The following AK9 variants were observed in gnomAD, a reference collection of about 807,000 sequenced individuals.
The protein encoded by AK9 is adenylate kinase 9.
AK9 carries 191 observed loss-of-function variants against 239.6 expected under a neutral mutation model. That is an observed-to-expected ratio of 0.80 (90% CI 0.71 to 0.90). The LOEUF is 0.90. AK9 is among the 40% of genes least tolerant of loss of function. The pLI is 0.00. For synonymous variants in AK9, 689 were observed against 721.0 expected, an observed-to-expected ratio of 0.96 and a Z score of 0.71; for missense variants, 1,995 against 2,214.7, an observed-to-expected ratio of 0.90 and a Z score of 1.99.
chr6:109,686,703 G>C (rs1166454382), intron 1 of AK9, among the ~76,000 whole-genome samples: 1 of 152,224 alleles, frequency 6.6e-6, no homozygotes, highest in African/African-American at 2.4e-5. Flanking sequence ...GTCTGCAGCA[G>C]AGAATAATTC....
chr6:109,573,293 G>GCA, intron 21 of AK9, 149 bp downstream of exon 21: 1 of 794,912 alleles, frequency 1.3e-6, no homozygotes, highest in Admixed American at 3.6e-5. Context: ...TCAAACTGTG[G>GCA]GATTTGGACT....
chr6:109,648,385 A>G (rs1369675435), intron 8 of AK9, among the ~76,000 whole-genome samples: 2 of 152,122 alleles, frequency 1.3e-5, no homozygotes, highest in East Asian at 1.9e-4. Context: ...TCAAATAGAC[A>G]CAATAAAAAA....
chr6:109,656,667 A>G, intron 8 of AK9, 89 bp downstream of exon 8: 1 of 1,379,016 alleles, frequency 7.3e-7, no homozygotes, highest in Non-Finnish European at 9.9e-7. Context: ...AGATAATAAC[A>G]CATGGGGATG....
At chr6:109,682,614 T>A (rs1295461213) in intron 1 of AK9, among the ~76,000 whole-genome samples, 2 of 151,992 alleles carry the variant, frequency 1.3e-5, no homozygotes, top group African/African-American at 4.8e-5. Flanking sequence ...GAGAATACCA[T>A]AAACACCTCT....
At chr6:109,591,274 CTTCT>C (rs1023091022) in intron 17 of AK9, among the ~76,000 whole-genome samples, 48 of 151,958 alleles carry the variant, frequency 3.2e-4, no homozygotes, top group African/African-American at 1.1e-3. Flanking sequence ...ATATAATGAC[CTTCT>C]TTGTCTTTTT....
intron 21 of AK9, among the ~76,000 whole-genome samples, chr6:109,566,006 A>T (rs186271031): frequency 6.6e-6 from 1 of 152,242 alleles, no homozygotes; most frequent in Non-Finnish European, 1.5e-5. Context: ...ATGGAAGAGA[A>T]AAGAACACCA....
intron 10 of AK9, among the ~76,000 whole-genome samples, chr6:109,640,886 T>C (rs1163762649): frequency 6.6e-6 from 1 of 152,062 alleles, no homozygotes; most frequent in African/African-American, 2.4e-5. Flanking sequence ...AAAAAATTGG[T>C]TGAATTATTA....
intron 12 of AK9, among the ~76,000 whole-genome samples, chr6:109,629,734 G>A (rs1480502259): frequency 6.6e-6 from 1 of 151,784 alleles, no homozygotes; most frequent in East Asian, 1.9e-4. Context: ...CCGGGTTCAC[G>A]CCATTCTCCT....
rs1399495689 is a variant in AK9 at position 109,526,120 on chromosome 6, T to C, written c.3633+2891A>G. 2.0e-5 allele frequency among the ~76,000 whole-genome samples: 3 copies of C among 151,956 alleles called. No homozygotes were observed. In the East Asian group the frequency reaches 5.8e-4, roughly 29 times the overall value. On this transcript the variant is annotated intron_variant, in intron 29 of 40. Transcript: ENST00000424296. ...ACACAAAGAGGAGAACAAAAGACAC[T>C]GGGGCCTACTTGAGGGTAGAGGGTA...
chr6:109,571,025 G>A (rs942508274), intron 21 of AK9, among the ~76,000 whole-genome samples: 2 of 152,168 alleles, frequency 1.3e-5, no homozygotes, highest in Non-Finnish European at 2.9e-5. Context: ...AGAAGAAAAG[G>A]TTATGACAAT....
At chr6:109,679,361 C>T (rs183457989) in intron 1 of AK9, among the ~76,000 whole-genome samples, 2 of 152,138 alleles carry the variant, frequency 1.3e-5, no homozygotes, top group African/African-American at 2.4e-5. Context: ...CTCCCACCCC[C>T]GCAGCTCAGC....
At chr6:109,685,551 G>C (rs974637901) in intron 1 of AK9, among the ~76,000 whole-genome samples, 12 of 152,000 alleles carry the variant, frequency 7.9e-5, no homozygotes, top group African/African-American at 2.9e-4. Flanking sequence ...GACGTAGGGA[G>C]GGGAACATCA....
chr6:109,584,439 C>T (rs1174138416), intron 19 of AK9, among the ~76,000 whole-genome samples: 2 of 152,036 alleles, frequency 1.3e-5, no homozygotes, highest in East Asian at 3.8e-4. Flanking sequence ...TAGTAGAAAT[C>T]CCAGTGGACA....
chr6:109,641,172 T>C (rs1797380212), intron 10 of AK9, among the ~76,000 whole-genome samples: 1 of 148,012 alleles, frequency 6.8e-6, no homozygotes. Context: ...TTTTTATATA[T>C]ATATAATTTT....
At chr6:109,621,552 C>T (rs1283228683) in intron 12 of AK9, among the ~76,000 whole-genome samples, 1 of 60,690 alleles carries the variant, frequency 1.6e-5, no homozygotes, top group Non-Finnish European at 3.0e-5. Context: ...CCATGGAATA[C>T]TATGCAGCCA....
At position 109,502,625 on chromosome 6, in the gene AK9, C is replaced by T. The variant is rs544483398; in HGVS notation, c.4850-3385G>A. Reference sequence around the variant, plus strand: ...AGTTTGCGGCAGTTTGTTTCAGCAGCCCTAAGTAAAACAATTACAAAAGAT... The same window carrying T: ...AGTTTGCGGCAGTTTGTTTCAGCAGTCCTAAGTAAAACAATTACAAAAGAT... On this transcript the variant is annotated intron_variant, in intron 35 of 40. Coordinates refer to ENST00000424296, the MANE Select transcript of AK9 (RefSeq NM_001145128.3). 2.6e-5 allele frequency among the ~76,000 whole-genome samples: 4 copies of T among 152,238 alleles called. No individual in the cohort carries two copies. The East Asian group carries it at 7.7e-4, about 29-fold the overall frequency.
chr6:109,593,037 A>G (rs1790497765), intron 17 of AK9, among the ~76,000 whole-genome samples: 1 of 152,108 alleles, frequency 6.6e-6, no homozygotes, highest in Admixed American at 6.5e-5. Flanking sequence ...ATATAATCCC[A>G]TATTTCTGGA....
intron 17 of AK9, among the ~76,000 whole-genome samples, chr6:109,606,115 A>AT (rs1292811082): frequency 6.6e-6 from 1 of 152,144 alleles, no homozygotes; most frequent in African/African-American, 2.4e-5. Flanking sequence ...ATGGTATAAC[A>AT]TTTTTATACA....
chr6:109,641,451 G>T, intron 10 of AK9, 67 bp downstream of exon 10: 3 of 1,269,450 alleles, frequency 2.4e-6, no homozygotes, highest in Non-Finnish European at 1.1e-6. Context: ...TTACAGGTGT[G>T]AGCCACTGCA....
Sources: allele counts gnomAD v4.1 joint callset (sites outside exome capture counted in the v4.1 genomes callset), GRCh38; gene constraint gnomAD v4.1.1; transcripts MANE v1.5; gene names NCBI Gene and HGNC (gene_info 2026-07-23, HGNC 2026-07-21).